STK35: variants seen among roughly 807,000 people sequenced by gnomAD.
STK35 encodes the protein serine/threonine-protein kinase 35.
Under a neutral mutation model 37.3 loss-of-function variants are expected in STK35, and 17 were observed. That is an observed-to-expected ratio of 0.46 (90% confidence interval 0.31 to 0.68). The LOEUF is 0.68. Ranked by LOEUF, STK35 falls within the 30% of genes least tolerant of loss-of-function variation. STK35 has a pLI of 0.05. For missense variants in STK35, 595 were observed against 746.7 expected (o/e 0.80, Z 2.37); for synonymous variants, 385 against 319.1 (o/e 1.21, Z -2.20).
At chr20:2,121,829 T>C (rs144777112) in intron 3 of STK35, among the ~76,000 whole-genome samples, 55 of 152,240 alleles carry the variant, frequency 3.6e-4, no homozygotes, top group African/African-American at 1.2e-3. Context: ...TGGGAAAGCA[T>C]CAGTACTCAT....
chr20:2,116,966 G>A lies in STK35; in HGVS notation c.1193G>A (p.Gly398Asp). The change falls in exon 3 of 4, where the codon GGC (glycine) becomes GAC (aspartate). Residue 398 changes from glycine to aspartate, a missense_variant. Physicochemically the swap from Gly to Asp is moderately conservative, Grantham distance 94 (BLOSUM62 -1). Transcript: ENST00000381482. ...CAGLAPRGKE[G>D]NQDNKNVNVN... ...GGGCTGGCACCCCGAGGCAAAGAGG[G>A]CAATCAAGACAACAAAAATGTGAAT... The A allele has an allele frequency of 6.2e-7, 1 of 1,614,172 alleles. No homozygotes were observed. The highest frequency in any genetic ancestry group is 8.5e-7 in the Non-Finnish European group (1 of 1,180,032).
intron 3 of STK35, among the ~76,000 whole-genome samples, chr20:2,128,964 A>G (rs906689316): frequency 1.3e-5 from 2 of 152,062 alleles, no homozygotes; most frequent in African/African-American, 2.4e-5. Context: ...AGCTGGGATT[A>G]TAAGTGCATG....
chr20:2,135,056 G>C (rs923623128), intron 3 of STK35, among the ~76,000 whole-genome samples: 1 of 152,130 alleles, frequency 6.6e-6, no homozygotes, highest in Non-Finnish European at 1.5e-5. Context: ...AGTCTCCAGA[G>C]GGGGAGTAGG....
At chr20:2,138,901 C>T (rs190408124) in intron 3 of STK35, among the ~76,000 whole-genome samples, 1 of 152,054 alleles carries the variant, frequency 6.6e-6, no homozygotes, top group Admixed American at 6.5e-5. Context: ...GTGGCATGTA[C>T]CTATAATCCC....
At position 2,103,205 on chromosome 20, in the gene STK35, G is replaced by T. The variant is rs769110616; in HGVS notation, c.732G>T (p.Ala244=). The change falls in exon 2 of 4, where the codon GCG becomes GCT. Residue 244 remains alanine, a synonymous_variant. Transcript: ENST00000381482. The stretch of plus-strand genomic sequence containing the variant: ...ACGCCCCCGAGAACGTGGAGCTGGC[G>T]CTGGCTGAATTCTGGGCCCTCACCA... ...RCDAPENVEL[A]LAEFWALTSL... The T allele has an allele frequency of 3.1e-6, 5 of 1,609,662 alleles. No homozygotes were observed. The highest frequency in any genetic ancestry group is 2.7e-5 in the African/African-American group (2 of 74,894).
chr20:2,130,445 G>C (rs187441552), intron 3 of STK35, among the ~76,000 whole-genome samples: 2 of 152,182 alleles, frequency 1.3e-5, no homozygotes, highest in Admixed American at 1.3e-4. Context: ...TGCTATAATT[G>C]TGTTTCAAGA....
rs897581927 is a variant in STK35, at chr20:2,148,455, C to G, written c.*4709C>G. On this transcript the variant is annotated 3_prime_UTR_variant, in exon 4 of 4. Transcript: ENST00000381482. ...TTTAAGTTCCTTGAACACTGTGGAT[C>G]CCCTAATGTGTATGAATGACTGAGG... 1 of 152,578 alleles carries G rather than the reference C, an allele frequency of 6.6e-6. No individual in the cohort carries two copies. Among genetic ancestry groups the G allele is most frequent in the African/African-American group, 2.4e-5 (1 of 41,410 alleles). 9.5% of individuals were successfully genotyped at this position (152,578 alleles called of 1,614,324 possible). A position where few individuals can be genotyped will look rare whatever the true frequency, so the allele number is the denominator to read the frequency against.
At chr20:2,132,021 C>G (rs1216425790) in intron 3 of STK35, among the ~76,000 whole-genome samples, 1 of 152,104 alleles carries the variant, frequency 6.6e-6, no homozygotes, top group African/African-American at 2.4e-5. Flanking sequence ...GTCAGTACTC[C>G]CCACTCTTTT....
intron 3 of STK35, among the ~76,000 whole-genome samples, chr20:2,127,062 C>T (rs1010812451): frequency 5.3e-5 from 8 of 151,930 alleles, no homozygotes; most frequent in African/African-American, 1.7e-4. Flanking sequence ...TTTTTTTTTC[C>T]CCTGAACTCG....
intron 3 of STK35, among the ~76,000 whole-genome samples, chr20:2,130,149 T>C (rs1343636574): frequency 4.6e-5 from 7 of 150,960 alleles, no homozygotes; most frequent in Non-Finnish European, 1.0e-4. Context: ...TTTAGGGGAG[T>C]AGGGAGATAC....
rs182670403 is a variant in STK35 at position 2,136,092 on chromosome 20, C to T, written c.*38-7692C>T. 1.8e-4 allele frequency among the ~76,000 whole-genome samples: 28 copies of T among 152,292 alleles called. No homozygotes were observed. In the East Asian group the frequency reaches 5.2e-3, roughly 28 times the overall value. On this transcript the variant is annotated intron_variant, in intron 3 of 3. Coordinates refer to ENST00000381482, the MANE Select transcript of STK35 (RefSeq NM_080836.4). ...TTCATTAACCTCTTACCATACCTAACTTAGACTCAGGGGACACATTCTGAG... is the reference window on the plus strand; with the variant it reads ...TTCATTAACCTCTTACCATACCTAATTTAGACTCAGGGGACACATTCTGAG...
chr20:2,102,958 C>G lies in STK35; in HGVS notation c.485C>G (p.Thr162Arg). Residue 162 changes from threonine (T) to arginine (R), a missense_variant, in exon 2 of 4, where the codon ACG becomes AGG. Physicochemically the swap from Thr to Arg is moderately conservative, Grantham distance 71. Around this residue, in one of 3 missense-constraint regions of STK35, gnomAD observed 389 missense variants for 320.0 expected, o/e 1.22. Coordinates refer to ENST00000381482, the MANE Select transcript of STK35 (RefSeq NM_080836.4). ...AGCCCAGTGCCGCGGGCGCCCAGCA[C>G]GAAGCTGAGGCCGGCGGCGGCGGCC... Reference protein sequence around the residue: ...RRSPVPRAPSTKLRPAAAARA... With the variant: ...RRSPVPRAPSRKLRPAAAARA... The G allele has an allele frequency of 6.8e-7, 1 of 1,472,380 alleles. No individual in the cohort carries two copies. Among genetic ancestry groups the G allele is most frequent in the Non-Finnish European group, 9.0e-7 (1 of 1,116,836 alleles). 91.2% of individuals were successfully genotyped at this position (1,472,380 alleles called of 1,614,324 possible).
chr20:2,102,449 T>C (rs1376046217), intron 1 of STK35, among the ~76,000 whole-genome samples: 1 of 152,176 alleles, frequency 6.6e-6, no homozygotes, highest in South Asian at 2.1e-4. Flanking sequence ...GAAAAATATT[T>C]CCGCCGGCCA....
chr20:2,117,369 T>C lies in STK35; in HGVS notation c.1596T>C (p.Cys532=). The change falls in exon 3 of 4, where the codon TGT becomes TGC. Residue 532 remains cysteine, a synonymous_variant. Coordinates refer to ENST00000381482, the MANE Select transcript of STK35 (RefSeq NM_080836.4). The surrounding 1 kb of genome is among the most constrained non-coding windows in gnomAD (Gnocchi z 4.4). ...ELETRMDQVT[C]AA is the part of the protein sequence containing the mutation. ...AAACCAGAATGGACCAGGTCACATGTGCTGCTTAAAATTCAGGGCTAAGCA... is the reference window on the plus strand; with the variant it reads ...AAACCAGAATGGACCAGGTCACATGCGCTGCTTAAAATTCAGGGCTAAGCA... The C allele has an allele frequency of 1.3e-6, 2 of 1,598,952 alleles. No homozygotes were observed. The highest frequency in any genetic ancestry group is 1.7e-6 in the Non-Finnish European group (2 of 1,170,052).
chr20:2,118,424 A>C (rs28565506), intron 3 of STK35, among the ~76,000 whole-genome samples: 2 of 54,722 alleles, frequency 3.7e-5, no homozygotes, highest in Non-Finnish European at 5.5e-5. Context: ...ACTAAAAATA[A>C]CAAAAAAATC....
At chr20:2,126,454 T>G (rs966072013) in intron 3 of STK35, among the ~76,000 whole-genome samples, 1 of 152,098 alleles carries the variant, frequency 6.6e-6, no homozygotes, top group Non-Finnish European at 1.5e-5. Flanking sequence ...AGGAGCCACA[T>G]CTCAGGGTAC....
chr20:2,134,511 A>T (rs888787534), intron 3 of STK35, among the ~76,000 whole-genome samples: 8 of 152,184 alleles, frequency 5.3e-5, no homozygotes, highest in Non-Finnish European at 1.2e-4. Context: ...CTTAATAAAT[A>T]AGGGGCCTAT....
In STK35 at chr20:2,143,979, C is replaced by CT. The variant is rs1986215325; in HGVS notation, c.*240dup. On this transcript the variant is annotated 3_prime_UTR_variant, in exon 4 of 4. Coordinates refer to ENST00000381482, the MANE Select transcript of STK35 (RefSeq NM_080836.4). The stretch of plus-strand genomic sequence containing the variant: ...TTTTCTTTTTTTTTTTTCCTCTTTC[C>CT]TTTTTTTAAATTTAAACCATTGAGA... 1 of 361,052 alleles carries CT rather than the reference C, an allele frequency of 2.8e-6. No homozygotes were observed. 22.4% of individuals were successfully genotyped at this position (361,052 alleles called of 1,614,324 possible).
Position 2,120,703 on chromosome 20 carries a change from T to G in STK35, c.*37+3288T>G, listed in dbSNP as rs1227604018. Among the ~76,000 whole-genome samples, 6 of 152,352 alleles carry G rather than the reference T, an allele frequency of 3.9e-5. No individual in the cohort carries two copies. The East Asian group carries it at 1.2e-3, about 29-fold the overall frequency. On this transcript the variant is annotated intron_variant, in intron 3 of 3. Transcript: ENST00000381482. ...CATTCAACATGTTCTTTGGAAACTC[T>G]TTCCAAGTACCATTTTAGACACAGA... is the stretch of plus-strand genomic sequence containing the variant.
Sources: allele counts gnomAD v4.1 joint callset (sites outside exome capture counted in the v4.1 genomes callset), GRCh38; gene constraint gnomAD v4.1.1; regional missense constraint gnomAD v4.1.1; non-coding constraint Gnocchi (gnomAD v3.1); transcripts MANE v1.5; gene names NCBI Gene and HGNC (gene_info 2026-07-23, HGNC 2026-07-21).